BRWD1: variants seen among roughly 807,000 people sequenced by gnomAD.
The protein encoded by BRWD1 is bromodomain and WD repeat-containing protein 1.
BRWD1 carries 82 observed loss-of-function variants against 251.2 expected under a neutral mutation model. The observed-to-expected ratio is 0.33, with a 90% CI of 0.27 to 0.39. BRWD1 has a LOEUF of 0.39. Ranked by LOEUF, BRWD1 falls within the 10% of genes least tolerant of loss-of-function variation. The pLI, the probability that BRWD1 is intolerant of heterozygous loss-of-function variation, is 1.00. For missense variants in BRWD1, 2,233 were observed against 2,711.6 expected, an observed-to-expected ratio of 0.82 and a Z score of 3.92; for synonymous variants, 918 against 902.8, an observed-to-expected ratio of 1.02 and a Z score of -0.30.
At chr21:39,284,486 G>A (rs1439199822) in intron 8 of BRWD1, among the ~76,000 whole-genome samples, 1 of 152,104 alleles carries the variant, frequency 6.6e-6, no homozygotes, top group East Asian at 1.9e-4. Context: ...TCTGGGGGAG[G>A]CGGGAGAACC....
At position 39,193,231 on chromosome 21, in the gene BRWD1, T is replaced by C. The variant is rs370895116; in HGVS notation, c.*3028A>G. The C allele has an allele frequency of 2.0e-6, 2 of 985,054 alleles. No individual in the cohort carries two copies. Among genetic ancestry groups the C allele is most frequent in the African/African-American group, 1.7e-5 (1 of 57,338 alleles). 61.0% of individuals were successfully genotyped at this position (985,054 alleles called of 1,614,324 possible). The stretch of plus-strand genomic sequence containing the variant: ...CTATTTGAAAGGAACCTTTCTGTTG[T>C]AATTTACAAGCTGTGAGTAACTGCT... On this transcript the variant is annotated 3_prime_UTR_variant, in exon 41 of 41. Coordinates refer to ENST00000342449, the MANE Select transcript of BRWD1 (RefSeq NM_033656.4).
In BRWD1 at chr21:39,294,048, T is replaced by C. The variant is rs2035886756; in HGVS notation, c.610-16A>G. On this transcript the variant is annotated splice_polypyrimidine_tract_variant and intron_variant, in intron 7 of 40. Transcript: ENST00000342449. Reference sequence around the variant, plus strand: ...CATCTGAACCCTAAGAAAAAATATATCCAAAAATTAATGTTAGTACAGCAA... The same window carrying C: ...CATCTGAACCCTAAGAAAAAATATACCCAAAAATTAATGTTAGTACAGCAA... The C allele has an allele frequency of 1.3e-6, 2 of 1,598,924 alleles. No individual in the cohort carries two copies. The highest frequency in any genetic ancestry group is 1.7e-6 in the Non-Finnish European group (2 of 1,168,182).
At chr21:39,224,170 G>T (rs1179986297) in intron 29 of BRWD1, among the ~76,000 whole-genome samples, 1 of 152,102 alleles carries the variant, frequency 6.6e-6, no homozygotes, top group Non-Finnish European at 1.5e-5. Flanking sequence ...TTTAATGCAG[G>T]GTTACATGAG....
At chr21:39,301,978 GTTTT>G (rs750413248) in intron 4 of BRWD1, among the ~76,000 whole-genome samples, 21 of 79,870 alleles carry the variant, frequency 2.6e-4, no homozygotes, top group East Asian at 4.0e-4. Context: ...AGCTTTGTGT[GTTTT>G]TTTTTTTTTT....
In BRWD1 at chr21:39,186,954, G is replaced by A; in HGVS notation, c.*9305C>T. 3 of 1,499,456 alleles carry A rather than the reference G, an allele frequency of 2.0e-6. No individual in the cohort carries two copies. The highest frequency in any genetic ancestry group is 2.7e-6 in the Non-Finnish European group (3 of 1,130,212). The allele number at this position is 1,499,456 out of a possible 1,614,324, so 92.9% of individuals were successfully genotyped here. The stretch of plus-strand genomic sequence containing the variant: ...AATAAGGGAGTAATTTTAGAGCTGG[G>A]AGCAGAATGTAACTGCCAGTTTACT... On this transcript the variant is annotated 3_prime_UTR_variant, in exon 41 of 41. Transcript: ENST00000342449.
chr21:39,265,044 T>G, intron 15 of BRWD1, 25 bp from the exon 16 acceptor site: 1 of 1,606,790 alleles, frequency 6.2e-7, no homozygotes, highest in Non-Finnish European at 8.5e-7. Flanking sequence ...AGGAAAAAAG[T>G]TAGGACCAAT....
Position 39,287,840 on chromosome 21 carries a change from C to A in BRWD1, c.831+5971G>T, listed in dbSNP as rs558639426. Reference sequence around the variant, plus strand: ...GTGATCACTGAATTTCAGCTTCTTTCTAATACATGAATTGGGTGTAAATTT... The same window carrying A: ...GTGATCACTGAATTTCAGCTTCTTTATAATACATGAATTGGGTGTAAATTT... On this transcript the variant is annotated intron_variant, in intron 8 of 40. Transcript: ENST00000342449. Among the ~76,000 whole-genome samples the A allele has an allele frequency of 1.7e-4, 26 of 152,292 alleles. 2 individuals are homozygous for A. Among genetic ancestry groups the A allele is most frequent in the African/African-American group, 6.3e-4 (26 of 41,566 alleles).
In BRWD1 at chr21:39,278,731, A is replaced by G. The variant is rs1335338629; in HGVS notation, c.1003+12T>C. The G allele has an allele frequency of 1.3e-6, 2 of 1,561,688 alleles. No individual in the cohort carries two copies. The highest frequency in any genetic ancestry group is 1.4e-5 in the African/African-American group (1 of 71,786). On this transcript the variant is annotated intron_variant, in intron 10 of 40. Transcript: ENST00000342449. ...AAAAAAAACTAAGAAAAAAATGTGA[A>G]GAAGTTCTTACCAACACTAAAAGAA...
chr21:39,218,819 T>C (rs898459627), intron 29 of BRWD1, among the ~76,000 whole-genome samples, 159 bp from the exon 30 acceptor site: 4 of 152,162 alleles, frequency 2.6e-5, no homozygotes, highest in African/African-American at 9.7e-5. Flanking sequence ...CTCATTGAGA[T>C]TAACAAATTG....
chr21:39,254,879 A>G (rs981317170), intron 19 of BRWD1, among the ~76,000 whole-genome samples: 1 of 152,222 alleles, frequency 6.6e-6, no homozygotes, highest in Non-Finnish European at 1.5e-5. Flanking sequence ...AAAAAACTGA[A>G]AACATTTATG....
At chr21:39,307,743 C>T (rs2036336199) in intron 4 of BRWD1, among the ~76,000 whole-genome samples, 1 of 152,112 alleles carries the variant, frequency 6.6e-6, no homozygotes, top group African/African-American at 2.4e-5. Context: ...AAACAAAAAC[C>T]TCTTTTACAA....
At chr21:39,302,509 C>G (rs748412438) in intron 4 of BRWD1, among the ~76,000 whole-genome samples, 1 of 152,198 alleles carries the variant, frequency 6.6e-6, no homozygotes, top group Non-Finnish European at 1.5e-5. Context: ...GTAATCTCAG[C>G]ACTTTGGAAA....
At chr21:39,306,657 G>T (rs968309064) in intron 4 of BRWD1, among the ~76,000 whole-genome samples, 2 of 152,084 alleles carry the variant, frequency 1.3e-5, no homozygotes, top group Non-Finnish European at 2.9e-5. Context: ...AACTCATTAA[G>T]ATTTAAAGAA....
At chr21:39,271,778 C>G (rs2035116019) in intron 13 of BRWD1, among the ~76,000 whole-genome samples, 1 of 151,066 alleles carries the variant, frequency 6.6e-6, no homozygotes, top group African/African-American at 2.4e-5. Flanking sequence ...TAGCTCACAC[C>G]TATAATCCCA....
chr21:39,198,589 A>G (rs921954625), intron 40 of BRWD1, among the ~76,000 whole-genome samples, 174 bp downstream of exon 40: 7 of 152,210 alleles, frequency 4.6e-5, no homozygotes, highest in East Asian at 1.9e-4. Context: ...ACGCATGCAC[A>G]TAAGAATATA....
chr21:39,265,045 T>A (rs1161648047), intron 15 of BRWD1, 26 bp from the exon 16 acceptor site: 1 of 1,606,732 alleles, frequency 6.2e-7, no homozygotes. Context: ...GGAAAAAAGT[T>A]AGGACCAATT....
chr21:39,313,922 G>C (rs2036623631), upstream of BRWD1: 2 of 317,974 alleles, frequency 6.3e-6, no homozygotes, highest in Non-Finnish European at 1.2e-5. Flanking sequence ...CGCGACGCCG[G>C]GTGGCCCAGC....
chr21:39,196,331 A>C lies in BRWD1; in HGVS notation c.6738T>G (p.Thr2246=). Residue 2246 remains threonine, a synonymous_variant, in exon 41 of 41, where the codon ACT becomes ACG. Transcript: ENST00000342449. ...CATCATCCCCATCATGGTATCTCAC[A>C]GTCCTTCTACCCTGATTTCTCGTTT... ...KIKTRNQGRR[T]VRYHDGDDDR... is the part of the protein sequence containing the mutation. The C allele has an allele frequency of 1.2e-6, 2 of 1,613,302 alleles. No individual in the cohort carries two copies. The highest frequency in any genetic ancestry group is 2.2e-5 in the South Asian group (2 of 91,004).
chr21:39,195,912 A>G lies in BRWD1; in HGVS notation c.*347T>C. 9.9e-7 allele frequency: 1 copy of G among 1,009,982 alleles called. No individual in the cohort carries two copies. Among genetic ancestry groups the G allele is most frequent in the South Asian group, 4.4e-5 (1 of 22,598 alleles). 62.6% of individuals were successfully genotyped at this position (1,009,982 alleles called of 1,614,324 possible). On this transcript the variant is annotated 3_prime_UTR_variant, in exon 41 of 41. Coordinates refer to ENST00000342449, the MANE Select transcript of BRWD1 (RefSeq NM_033656.4). Reference sequence around the variant, plus strand: ...CTACTGCCTCTTTGACAAATTCAGAAAATAACTGCATGACACTTGCTGCCA... The same window carrying G: ...CTACTGCCTCTTTGACAAATTCAGAGAATAACTGCATGACACTTGCTGCCA...
Sources: gnomAD v4.1 joint callset for allele counts (sites outside exome capture counted in the v4.1 genomes callset) on GRCh38, gnomAD v4.1.1 for gene constraint, MANE v1.5 for transcripts, NCBI Gene and HGNC (gene_info 2026-07-23, HGNC 2026-07-21) for gene names.